INO80C: variants seen among roughly 807,000 people sequenced by gnomAD.
The protein encoded by INO80C is IES6 homolog.
Under a neutral mutation model 17.7 loss-of-function variants are expected in INO80C, and 17 were observed. The observed-to-expected ratio is 0.96, with a 90% CI of 0.66 to 1.44. The LOEUF (loss-of-function observed/expected upper bound fraction) is 1.44, where lower values mean the gene tolerates loss of function less well. Ranked by LOEUF, INO80C falls within the 40% of genes most tolerant of loss-of-function variation. The pLI is 0.00. For missense variants in INO80C, 244 were observed against 245.0 expected (o/e 1.00, Z 0.03); for synonymous variants, 96 against 95.8 (o/e 1.00, Z -0.01).
chr18:35,479,434 G>C (rs2045778558), intron 2 of INO80C, 23 bp from the exon 3 acceptor site: 1 of 1,521,992 alleles, frequency 6.6e-7, no homozygotes, highest in East Asian at 2.3e-5. Context: ...GCATGGATTA[G>C]AAGAAACAAA....
intron 4 of INO80C, among the ~76,000 whole-genome samples, chr18:35,472,965 A>G (rs577476036): frequency 2.0e-5 from 3 of 152,320 alleles, no homozygotes; most frequent in Non-Finnish European, 4.4e-5. Context: ...TATTTCCTAC[A>G]TACAGTGGGG....
intron 1 of INO80C, among the ~76,000 whole-genome samples, chr18:35,484,968 C>T (rs1199963733): frequency 6.6e-6 from 1 of 152,064 alleles, no homozygotes; most frequent in Non-Finnish European, 1.5e-5. Context: ...TTTATTTTCT[C>T]CAGTTCTGGA....
chr18:35,479,571 T>C (rs543111624), intron 2 of INO80C, among the ~76,000 whole-genome samples, 160 bp from the exon 3 acceptor site: 1 of 150,634 alleles, frequency 6.6e-6, no homozygotes, highest in Non-Finnish European at 1.5e-5. Flanking sequence ...ACTGTACACA[T>C]TAACATGTTA....
At chr18:35,488,474 G>A (rs1403383825) in intron 1 of INO80C, among the ~76,000 whole-genome samples, 1 of 130,822 alleles carries the variant, frequency 7.6e-6, no homozygotes, top group African/African-American at 2.8e-5. Flanking sequence ...CTGCAGCCGT[G>A]GCCCAAGCTC....
chr18:35,477,577 C>T (rs2045751787), intron 4 of INO80C, among the ~76,000 whole-genome samples: 1 of 146,676 alleles, frequency 6.8e-6, no homozygotes, highest in Admixed American at 6.6e-5. Context: ...TTTAAGAAAA[C>T]AAAACAAAAC....
chr18:35,468,615 G>A lies in INO80C; in HGVS notation c.575C>T (p.Pro192Leu). ...CTTCATCTCCCTTTCTGGGGCTCAG[G>A]GAACGATGCTCGTGGCCTTCCTCAG... is the stretch of plus-strand genomic sequence containing the variant. ...LALRKATSIV[P>L] is the part of the protein sequence containing the mutation. Residue 192 changes from proline (P) to leucine (L), a missense_variant, in exon 5 of 5, where the codon CCC becomes CTC. Transcript: ENST00000334598. The A allele has an allele frequency of 6.2e-7, 1 of 1,614,104 alleles. No homozygotes were observed. Among genetic ancestry groups the A allele is most frequent in the Non-Finnish European group, 8.5e-7 (1 of 1,180,000 alleles).
intron 1 of INO80C, among the ~76,000 whole-genome samples, chr18:35,490,156 C>A (rs1235862792): frequency 6.6e-6 from 1 of 152,054 alleles, no homozygotes. Flanking sequence ...GGTGGTGGTA[C>A]AAAGGCAAAG....
intron 1 of INO80C, among the ~76,000 whole-genome samples, chr18:35,494,685 T>C (rs1261381456): frequency 6.6e-6 from 1 of 152,168 alleles, no homozygotes; most frequent in Non-Finnish European, 1.5e-5. Context: ...AGACAAGAAC[T>C]CGGCTAACAC....
intron 3 of INO80C, 29 bp from the exon 4 acceptor site, chr18:35,478,378 A>C: frequency 7.0e-7 from 1 of 1,437,026 alleles, no homozygotes; most frequent in Middle Eastern, 2.1e-4. Flanking sequence ...AAAGATAACT[A>C]AACTGAACTG....
rs115721861 is a variant in INO80C, at chr18:35,492,096, T to C, written c.156+5623A>G. Among the ~76,000 whole-genome samples, 539 of 152,378 alleles carry C rather than the reference T, an allele frequency of 3.5e-3. 2 individuals carry two copies. The highest frequency in any genetic ancestry group is 0.012 in the African/African-American group (505 of 41,590). On this transcript the variant is annotated intron_variant, in intron 1 of 4. Transcript: ENST00000334598. Reference sequence around the variant, plus strand: ...AGACTAAAGGATAATTTGGACATTCTGTCTGTGGTTACAAAGAAAGGAGAA... The same window carrying C: ...AGACTAAAGGATAATTTGGACATTCCGTCTGTGGTTACAAAGAAAGGAGAA...
In INO80C at chr18:35,468,463, C is replaced by G. The variant is rs536040126; in HGVS notation, c.*148G>C. The stretch of plus-strand genomic sequence containing the variant: ...AAACACACACTAAAAAAAAAAAAAA[C>G]CCTTAAATTAAAGCCAAACATTCTT... On this transcript the variant is annotated 3_prime_UTR_variant, in exon 5 of 5. Coordinates refer to ENST00000334598, the MANE Select transcript of INO80C (RefSeq NM_194281.4). 9 of 1,427,214 alleles carry G rather than the reference C, an allele frequency of 6.3e-6. No individual in the cohort carries two copies. In the East Asian group the frequency reaches 1.7e-4, roughly 28 times the overall value. 88.4% of individuals were successfully genotyped at this position (1,427,214 alleles called of 1,614,324 possible).
rs773331203 is a variant in INO80C at position 35,479,323 on chromosome 18, G to A, written c.356C>T (p.Pro119Leu). 27 of 1,613,164 alleles carry A rather than the reference G, an allele frequency of 1.7e-5. No individual in the cohort carries two copies. Among genetic ancestry groups the A allele is most frequent in the East Asian group, 2.2e-5 (1 of 44,880 alleles). ...ACAGTTAGGATCGTTCAGTTGCCAC[G>A]GCAATGCCCTTTCAGAAGCGAGGAT... is the stretch of plus-strand genomic sequence containing the variant. The part of the protein sequence containing the change: ...KQILASERAL[P>L]WQLNDPNYFS... Residue 119 changes from proline (P) to leucine (L), a missense_variant, in exon 3 of 5, where the codon CCG becomes CTG. Physicochemically the swap from Pro to Leu is moderately conservative, Grantham distance 98. Transcript: ENST00000334598.
chr18:35,488,011 T>G (rs912822949), intron 1 of INO80C, among the ~76,000 whole-genome samples: 2 of 152,200 alleles, frequency 1.3e-5, no homozygotes, highest in African/African-American at 4.8e-5. Context: ...ACTCCATGTC[T>G]CACATCCAAG....
At chr18:35,489,784 T>C (rs777591870) in intron 1 of INO80C, among the ~76,000 whole-genome samples, 4 of 152,138 alleles carry the variant, frequency 2.6e-5, no homozygotes, top group Non-Finnish European at 4.4e-5. Context: ...CTGAATTTGA[T>C]AAAATTTGGA....
chr18:35,476,852 CA>C (rs1310195800), intron 4 of INO80C, among the ~76,000 whole-genome samples: 13 of 152,070 alleles, frequency 8.5e-5, no homozygotes, highest in African/African-American at 3.1e-4. Context: ...GGTAAAAGAG[CA>C]AGACTCTACC....
chr18:35,495,723 C>T (rs944538283), intron 1 of INO80C, among the ~76,000 whole-genome samples: 3 of 152,164 alleles, frequency 2.0e-5, no homozygotes, highest in Non-Finnish European at 4.4e-5. Context: ...GTTATCAAAA[C>T]GCACCAGTCG....
At chr18:35,468,800 A>C in intron 4 of INO80C, 58 bp from the exon 5 acceptor site, 2 of 1,524,070 alleles carry the variant, frequency 1.3e-6, no homozygotes, top group Non-Finnish European at 1.8e-6. Context: ...GGATATTTTA[A>C]GTTCAAGTTT....
chr18:35,480,514 A>G lies in INO80C; in HGVS notation c.206T>C (p.Phe69Ser). 6.2e-7 allele frequency: 1 copy of G among 1,614,170 alleles called. No individual in the cohort carries two copies. The highest frequency in any genetic ancestry group is 1.1e-5 in the South Asian group (1 of 91,088). ...AGCTTTTTCCACAGGTCCTGTGCTAAACTCAGAGGGCACCATTTTATTCTC... is the reference window on the plus strand; with the variant it reads ...AGCTTTTTCCACAGGTCCTGTGCTAGACTCAGAGGGCACCATTTTATTCTC... ...MSENKMVPSE[F>S]STGPVEKAAK... Residue 69 changes from phenylalanine to serine, a missense_variant, in exon 2 of 5, where the codon TTT becomes TCT. Phe to Ser is a radical substitution (Grantham distance 155). Coordinates refer to ENST00000334598, the MANE Select transcript of INO80C (RefSeq NM_194281.4).
intron 1 of INO80C, among the ~76,000 whole-genome samples, chr18:35,491,235 G>C (rs17670709): frequency 2.0e-5 from 3 of 152,176 alleles, no homozygotes; most frequent in Admixed American, 1.3e-4. Flanking sequence ...AGGGGCCCTC[G>C]TTAGATTCAG....
Sources: gnomAD v4.1 joint callset for allele counts (sites outside exome capture counted in the v4.1 genomes callset) on GRCh38, gnomAD v4.1.1 for gene constraint, MANE v1.5 for transcripts, NCBI Gene and HGNC (gene_info 2026-07-23, HGNC 2026-07-21) for gene names.